Variants in ANKRD30A observed in about 807,000 individuals in gnomAD.
The protein encoded by ANKRD30A is ankyrin repeat domain 30A.
A neutral mutation model predicts 166.3 loss-of-function variants in ANKRD30A; 170 were observed. That is an observed-to-expected ratio of 1.02 (90% CI 0.90 to 1.16). The LOEUF (loss-of-function observed/expected upper bound fraction) is 1.16, where lower values mean the gene tolerates loss of function less well. Ranked by LOEUF, ANKRD30A falls within the 50% of genes most tolerant of loss-of-function variation. The pLI is 0.00. For synonymous variants in ANKRD30A, 564 were observed against 508.9 expected, an observed-to-expected ratio of 1.11 and a Z score of -1.46; for missense variants, 1,630 against 1,518.0, an observed-to-expected ratio of 1.07 and a Z score of -1.23.
In ANKRD30A at chr10:37,199,711, G is replaced by C. The variant is rs1421814042; in HGVS notation, c.2717-16G>C. On this transcript the variant is annotated splice_polypyrimidine_tract_variant and intron_variant, in intron 29 of 35. Transcript: ENST00000361713. ...GAAATGTTCTCATGAATGTATCTGT[G>C]ATTAACCTTTTATAGATCAGATGTT... The C allele has an allele frequency of 2.0e-6, 3 of 1,515,174 alleles. No homozygotes were observed. In the African/African-American group the frequency reaches 4.2e-5, roughly 21 times the overall value. The allele number at this position is 1,515,174 out of a possible 1,614,324, so 93.9% of individuals were successfully genotyped here.
At chr10:37,129,022 C>T (rs1449976853) in intron 1 of ANKRD30A, among the ~76,000 whole-genome samples, 1 of 151,978 alleles carries the variant, frequency 6.6e-6, no homozygotes, top group South Asian at 2.1e-4. Flanking sequence ...TATTTGAATC[C>T]CAAGTTTTCT....
At chr10:37,158,209 T>C (rs1838529674) in intron 13 of ANKRD30A, among the ~76,000 whole-genome samples, 183 bp from the exon 14 acceptor site, 1 of 152,188 alleles carries the variant, frequency 6.6e-6, no homozygotes, top group African/African-American at 2.4e-5. Flanking sequence ...CAAATTTTCT[T>C]AGGTATATTT....
At chr10:37,178,026 T>A (rs1177398527) in intron 24 of ANKRD30A, among the ~76,000 whole-genome samples, 2 of 150,846 alleles carry the variant, frequency 1.3e-5, no homozygotes, top group South Asian at 2.1e-4. Context: ...AAAGTAGTAA[T>A]AGAGTAAATG....
At chr10:37,218,873 A>G in intron 33 of ANKRD30A, 107 bp from the exon 34 acceptor site, 1 of 765,188 alleles carries the variant, frequency 1.3e-6, no homozygotes, top group Non-Finnish European at 2.1e-6. Context: ...ACCTACTTAT[A>G]AAAACCCTTT....
chr10:37,196,091 C>CCA (rs1554823841), intron 27 of ANKRD30A, among the ~76,000 whole-genome samples: 1 of 115,624 alleles, frequency 8.6e-6, no homozygotes. Context: ...TTTATATTTT[C>CCA]TATTTTTTTT....
chr10:37,218,981 T>A lies in ANKRD30A; in HGVS notation c.3269T>A (p.Val1090Asp). 1.3e-6 allele frequency: 2 copies of A among 1,568,130 alleles called. No homozygotes were observed. Among genetic ancestry groups the A allele is most frequent in the Non-Finnish European group, 1.7e-6 (2 of 1,159,536 alleles). ...AAAAGTTTATTTTGTTTTATTTAGGTTTCTCACACTCATGAAAATGAAAAT... is the reference window on the plus strand; with the variant it reads ...AAAAGTTTATTTTGTTTTATTTAGGATTCTCACACTCATGAAAATGAAAAT... The part of the protein sequence containing the change: ...LKSVESNLNQ[V>D]SHTHENENYL... Residue 1090 changes from valine to aspartate, a missense_variant and splice_region_variant, in exon 34 of 36, where the codon GTT becomes GAT. Around this residue, in one of 4 missense-constraint regions of ANKRD30A, gnomAD observed 712 missense variants for 629.3 expected, o/e 1.13. Transcript: ENST00000361713.
chr10:37,229,559 G>A (rs1159170553), intron 34 of ANKRD30A, among the ~76,000 whole-genome samples: 5 of 151,788 alleles, frequency 3.3e-5, no homozygotes, highest in African/African-American at 9.7e-5. Context: ...ATAGTTAACT[G>A]TATTCACTCT....
intron 34 of ANKRD30A, 102 bp downstream of exon 34, chr10:37,219,999 A>G (rs1211764422): frequency 6.9e-5 from 3 of 43,660 alleles, no homozygotes; most frequent in Non-Finnish European, 1.3e-4. Context: ...ATATATATAT[A>G]TATATATATA....
intron 5 of ANKRD30A, among the ~76,000 whole-genome samples, chr10:37,134,989 T>C (rs986613922): frequency 3.9e-5 from 6 of 152,212 alleles, no homozygotes; most frequent in African/African-American, 1.4e-4. Flanking sequence ...TAAGATCCCT[T>C]GTCATCTTTC....
chr10:37,198,140 C>T (rs1357841266), intron 29 of ANKRD30A, among the ~76,000 whole-genome samples: 1 of 151,932 alleles, frequency 6.6e-6, no homozygotes, highest in Non-Finnish European at 1.5e-5. Flanking sequence ...CATTTATTGC[C>T]CAGAAGTAAC....
At chr10:37,167,224 G>C (rs974549737) in intron 19 of ANKRD30A, among the ~76,000 whole-genome samples, 8 of 149,096 alleles carry the variant, frequency 5.4e-5, no homozygotes, top group Admixed American at 5.3e-4. Context: ...GAATCATGAG[G>C]ATTACTAGAA....
Position 37,145,075 on chromosome 10 carries a change from G to T in ANKRD30A, c.1455+19G>T. On this transcript the variant is annotated intron_variant, in intron 8 of 35. Coordinates refer to ENST00000361713, the MANE Select transcript of ANKRD30A (RefSeq NM_052997.3). ...TTCTCGGGTATTGTGTATTATTGAT[G>T]TTATTCTCTAAAAATATTAATATTG... The T allele has an allele frequency of 1.4e-6, 2 of 1,433,064 alleles. No individual in the cohort carries two copies. The highest frequency in any genetic ancestry group is 2.7e-5 in the South Asian group (2 of 73,764). The allele number at this position is 1,433,064 out of a possible 1,614,324, so 88.8% of individuals were successfully genotyped here.
intron 30 of ANKRD30A, 39 bp from the exon 31 acceptor site, chr10:37,201,196 T>C: frequency 7.0e-7 from 1 of 1,423,742 alleles, no homozygotes; most frequent in Non-Finnish European, 9.5e-7. Context: ...TTATTAGGAT[T>C]TTTCCATTGA....
At chr10:37,195,083 T>C (rs1252447859) in intron 27 of ANKRD30A, among the ~76,000 whole-genome samples, 1 of 152,126 alleles carries the variant, frequency 6.6e-6, no homozygotes, top group Non-Finnish European at 1.5e-5. Flanking sequence ...AAAAACATTA[T>C]GTGAACTATT....
chr10:37,200,820 T>A (rs1475828645), intron 30 of ANKRD30A, among the ~76,000 whole-genome samples: 1 of 152,112 alleles, frequency 6.6e-6, no homozygotes, highest in Non-Finnish European at 1.5e-5. Flanking sequence ...TAGACAATTG[T>A]ATGATCATGC....
the ANKRD30A span, among the ~76,000 whole-genome samples, chr10:37,265,698 A>C: frequency 1.3e-5 from 2 of 152,218 alleles, no homozygotes; most frequent in Non-Finnish European, 2.9e-5. Context: ...TGGTGTTTCC[A>C]CCGACGTTTA....
chr10:37,216,811 G>T (rs1018018132), intron 32 of ANKRD30A, among the ~76,000 whole-genome samples: 1 of 151,014 alleles, frequency 6.6e-6, no homozygotes, highest in Non-Finnish European at 1.5e-5. Context: ...GAAGTTATTT[G>T]TTCATTACTT....
At chr10:37,210,483 G>C (rs1022031461) in intron 31 of ANKRD30A, among the ~76,000 whole-genome samples, 4 of 152,122 alleles carry the variant, frequency 2.6e-5, no homozygotes, top group African/African-American at 9.7e-5. Flanking sequence ...TATATAACCA[G>C]TAATGGGATC....
chr10:37,194,362 T>C (rs1441844598), intron 27 of ANKRD30A, among the ~76,000 whole-genome samples: 2 of 151,946 alleles, frequency 1.3e-5, no homozygotes, highest in African/African-American at 2.4e-5. Context: ...TTTTGTTTTG[T>C]TTTTGTTTTT....
Sources: gnomAD v4.1 joint callset for allele counts (sites outside exome capture counted in the v4.1 genomes callset) on GRCh38, gnomAD v4.1.1 for gene constraint, gnomAD v4.1.1 regional missense constraint, MANE v1.5 for transcripts, NCBI Gene and HGNC (gene_info 2026-07-23, HGNC 2026-07-21) for gene names.